Variants in OPCML observed in about 807,000 individuals in gnomAD.
OPCML encodes opioid binding protein/cell adhesion molecule like, also known as opioid-binding protein/cell adhesion molecule.
A neutral mutation model predicts 37.8 loss-of-function variants in OPCML; 13 were observed. That is an observed-to-expected ratio of 0.34 (90% CI 0.22 to 0.55). OPCML has a LOEUF of 0.55. Among genes scored for constraint, OPCML ranks in the 20% least tolerant of loss-of-function variants. The pLI is 0.91. For synonymous variants in OPCML, 176 were observed against 168.8 expected (o/e 1.04, Z -0.33); for missense variants, 341 against 435.6 (o/e 0.78, Z 1.93).
chr11:132,866,577 T>C (rs1170296746), intron 2 of OPCML, among the ~76,000 whole-genome samples: 1 of 152,194 alleles, frequency 6.6e-6, no homozygotes, highest in East Asian at 1.9e-4. Context: ...ATTTTGAAAT[T>C]TGTGTTTGTG....
chr11:132,977,697 G>A (rs956928362), intron 1 of OPCML, among the ~76,000 whole-genome samples: 2 of 152,122 alleles, frequency 1.3e-5, no homozygotes, highest in African/African-American at 2.4e-5. Flanking sequence ...AGTGCATATA[G>A]GAGTCTTCGG....
intron 1 of OPCML, among the ~76,000 whole-genome samples, chr11:133,468,429 C>T (rs1417783088): frequency 6.6e-6 from 1 of 152,192 alleles, no homozygotes; most frequent in African/African-American, 2.4e-5. Context: ...TGGAATGGCC[C>T]AGGGAGACTG....
intron 2 of OPCML, among the ~76,000 whole-genome samples, chr11:132,747,768 G>A (rs899877598): frequency 1.3e-5 from 2 of 152,160 alleles, no homozygotes; most frequent in Non-Finnish European, 2.9e-5. Context: ...GTTTTGTTGA[G>A]AAGAAATTAC....
intron 2 of OPCML, among the ~76,000 whole-genome samples, chr11:132,889,722 T>C (rs1191845393): frequency 6.6e-6 from 1 of 152,182 alleles, no homozygotes; most frequent in Non-Finnish European, 1.5e-5. Flanking sequence ...GTAGCAGCAT[T>C]GTAGAAGAAC....
rs540568027 is a variant in OPCML, at chr11:133,462,261, A to G, written c.61+70003T>C. 5.7e-4 allele frequency among the ~76,000 whole-genome samples: 87 copies of G among 152,156 alleles called. 1 individual carries two copies. Among genetic ancestry groups the G allele is most frequent in the African/African-American group, 1.8e-3 (75 of 41,548 alleles). ...ATCTTAGAGGAAAACATGAAGACAA[A>G]TTTTCATGACATTGGATTTGGCAAT... On this transcript the variant is annotated intron_variant, in intron 1 of 7. Coordinates refer to ENST00000524381, the MANE Select transcript of OPCML (RefSeq NM_001012393.5).
chr11:132,580,272 A>C (rs2096459626), intron 3 of OPCML, among the ~76,000 whole-genome samples: 1 of 152,226 alleles, frequency 6.6e-6, no homozygotes, highest in South Asian at 2.1e-4. Flanking sequence ...GGTAAATTAC[A>C]GAATGTCCAC....
intron 2 of OPCML, among the ~76,000 whole-genome samples, chr11:132,818,443 AG>A (rs1290054790): frequency 7.2e-5 from 11 of 151,796 alleles, no homozygotes; most frequent in Admixed American, 7.2e-4. Flanking sequence ...CTAGCGCAAG[AG>A]GGCATGCTGT....
chr11:133,474,606 G>A (rs1348155482), intron 1 of OPCML, among the ~76,000 whole-genome samples: 2 of 152,220 alleles, frequency 1.3e-5, no homozygotes, highest in African/African-American at 4.8e-5. Flanking sequence ...TGCTGCGGCT[G>A]GGGGTATGGG....
intron 3 of OPCML, among the ~76,000 whole-genome samples, chr11:132,594,550 A>C: frequency 6.6e-6 from 1 of 152,216 alleles, no homozygotes; most frequent in East Asian, 1.9e-4. Context: ...TATATCTATA[A>C]ATTTCTAATT....
Position 132,433,291 on chromosome 11 carries a change from T to G in OPCML, c.916+2795A>C, listed in dbSNP as rs2096003351. On this transcript the variant is annotated intron_variant, in intron 7 of 7. Coordinates refer to ENST00000524381, the MANE Select transcript of OPCML (RefSeq NM_001012393.5). ...TCATGCCGCTTTGATGAACATTGTC[T>G]TATTGACAATTCACAGTGACACTCT... Among the ~76,000 whole-genome samples, 5 of 152,308 alleles carry G rather than the reference T, an allele frequency of 3.3e-5. No homozygotes were observed. In the South Asian group the frequency reaches 1.0e-3, roughly 32 times the overall value.
intron 1 of OPCML, among the ~76,000 whole-genome samples, chr11:133,063,782 G>C (rs1039698335): frequency 2.6e-5 from 4 of 152,100 alleles, no homozygotes; most frequent in Non-Finnish European, 2.9e-5. Context: ...GGCTGGTCTT[G>C]AACTCCTGAC....
chr11:133,073,190 G>A (rs1432579174), intron 1 of OPCML, among the ~76,000 whole-genome samples: 1 of 152,180 alleles, frequency 6.6e-6, no homozygotes, highest in African/African-American at 2.4e-5. Context: ...AACGATCTCA[G>A]ACTCTGGTTA....
intron 1 of OPCML, among the ~76,000 whole-genome samples, chr11:133,001,418 AAAG>A (rs1270123928): frequency 6.6e-6 from 1 of 152,226 alleles, no homozygotes; most frequent in Non-Finnish European, 1.5e-5. Context: ...AGCAAATGAT[AAAG>A]AAGAAGGCTA....
At chr11:133,047,822 G>C (rs753729470) in intron 1 of OPCML, among the ~76,000 whole-genome samples, 1 of 152,362 alleles carries the variant, frequency 6.6e-6, no homozygotes, top group Non-Finnish European at 1.5e-5. Context: ...TTGAGGCTGT[G>C]TTAATTAAAA....
At chr11:132,453,571 G>T (rs1022041784) in intron 4 of OPCML, among the ~76,000 whole-genome samples, 1 of 152,182 alleles carries the variant, frequency 6.6e-6, no homozygotes, top group South Asian at 2.1e-4. Context: ...TCATCTAATT[G>T]TCTAGTGCTG....
At position 133,053,538 on chromosome 11, in the gene OPCML, A is replaced by G. The variant is rs542493484; in HGVS notation, c.62-110528T>C. On this transcript the variant is annotated intron_variant, in intron 1 of 7. Transcript: ENST00000524381. ...TTTGCGATTGAAATTTCTGTTGTCA[A>G]GATCACCTAGGAATTCCCCCATGCA... Among the ~76,000 whole-genome samples the G allele has an allele frequency of 3.2e-4, 48 of 152,330 alleles. 2 individuals carry two copies. In the South Asian group the frequency reaches 1.0e-2, roughly 32 times the overall value.
intron 1 of OPCML, among the ~76,000 whole-genome samples, chr11:133,304,145 C>T (rs1424215912): frequency 6.6e-6 from 1 of 152,178 alleles, no homozygotes; most frequent in Non-Finnish European, 1.5e-5. Context: ...ACTGAATCCA[C>T]AAGGGAGGTA....
chr11:132,828,928 C>T (rs1940525122), intron 2 of OPCML, among the ~76,000 whole-genome samples: 1 of 152,146 alleles, frequency 6.6e-6, no homozygotes, highest in African/African-American at 2.4e-5. Flanking sequence ...CTCGTTTTCT[C>T]CACTCAGCAG....
At chr11:133,124,684 G>A (rs1006304829) in intron 1 of OPCML, among the ~76,000 whole-genome samples, 9 of 152,050 alleles carry the variant, frequency 5.9e-5, no homozygotes, top group Admixed American at 3.3e-4. Context: ...CCTTCATCAC[G>A]TTCTGCAACC....
Sources: allele counts gnomAD v4.1 joint callset (sites outside exome capture counted in the v4.1 genomes callset), GRCh38; gene constraint gnomAD v4.1.1; transcripts MANE v1.5; gene names NCBI Gene and HGNC (gene_info 2026-07-23, HGNC 2026-07-21).